PALM2AKAP2: variants seen among roughly 807,000 people sequenced by gnomAD.
PALM2AKAP2 encodes PALM2 and AKAP2 fusion.
PALM2AKAP2 carries 37 observed loss-of-function variants against 71.5 expected under a neutral mutation model. That is an observed-to-expected ratio of 0.52 (90% CI 0.40 to 0.68). PALM2AKAP2 has a LOEUF of 0.68. Among genes scored for constraint, PALM2AKAP2 ranks in the 30% least tolerant of loss-of-function variants. The probability of loss-of-function intolerance (pLI) is 0.00; values close to 1 mark genes in which losing one functional copy is unlikely to be tolerated. For synonymous variants in PALM2AKAP2, 468 were observed against 478.8 expected (o/e 0.98, Z 0.29); for missense variants, 1,224 against 1,191.8 (o/e 1.03, Z -0.40).
intron 7 of PALM2AKAP2, among the ~76,000 whole-genome samples, chr9:110,025,970 C>T (rs1395101586): frequency 6.6e-6 from 1 of 152,148 alleles, no homozygotes; most frequent in African/African-American, 2.4e-5. Context: ...GGAGGGTGCA[C>T]TCAACTCACA....
intron 2 of PALM2AKAP2, among the ~76,000 whole-genome samples, chr9:110,150,695 T>TA (rs1471027306): frequency 6.6e-6 from 1 of 152,220 alleles, no homozygotes; most frequent in Non-Finnish European, 1.5e-5. Context: ...GGAGGCAACA[T>TA]ATAGTGTTCA....
At chr9:110,007,264 G>A (rs1289538426) in intron 6 of PALM2AKAP2, among the ~76,000 whole-genome samples, 1 of 152,126 alleles carries the variant, frequency 6.6e-6, no homozygotes, top group African/African-American at 2.4e-5. Context: ...CTTGGGACTT[G>A]TTATATGAGC....
At chr9:109,754,160 GA>G (rs1205859225) in intron 1 of PALM2AKAP2, among the ~76,000 whole-genome samples, 1 of 152,044 alleles carries the variant, frequency 6.6e-6, no homozygotes, top group Admixed American at 6.6e-5. Context: ...AGATAAAACA[GA>G]AAAAGTACCC....
chr9:110,053,662 G>A (rs868611864), intron 1 of PALM2AKAP2, among the ~76,000 whole-genome samples: 10 of 152,176 alleles, frequency 6.6e-5, no homozygotes, highest in Middle Eastern at 3.2e-3. Flanking sequence ...TGGAGAAGGT[G>A]CCCTGTGGAG....
chr9:109,840,480 C>G (rs935884675), intron 1 of PALM2AKAP2, among the ~76,000 whole-genome samples: 14 of 152,134 alleles, frequency 9.2e-5, no homozygotes, highest in Non-Finnish European at 1.8e-4. Flanking sequence ...GTCTAAAACA[C>G]CAAAAGCAAT....
intron 1 of PALM2AKAP2, among the ~76,000 whole-genome samples, chr9:109,752,400 G>A (rs1226192476): frequency 3.3e-5 from 5 of 152,156 alleles, no homozygotes; most frequent in African/African-American, 1.2e-4. Context: ...GGTCCTGAGA[G>A]TCTGCATTTC....
chr9:110,154,029 G>A (rs1836385434), intron 2 of PALM2AKAP2, among the ~76,000 whole-genome samples: 1 of 152,090 alleles, frequency 6.6e-6, no homozygotes, highest in Admixed American at 6.5e-5. Context: ...CCTGGTAATT[G>A]GTGTCTATTT....
chr9:110,007,627 T>C (rs1832808423), intron 6 of PALM2AKAP2, among the ~76,000 whole-genome samples: 1 of 152,218 alleles, frequency 6.6e-6, no homozygotes, highest in Admixed American at 6.5e-5. Flanking sequence ...TATGCAAACT[T>C]CTGCCTTTTC....
intron 3 of PALM2AKAP2, among the ~76,000 whole-genome samples, chr9:109,899,907 C>A (rs542655691): frequency 1.3e-5 from 2 of 152,328 alleles, no homozygotes; most frequent in East Asian, 3.9e-4. Context: ...CTTACTGTGT[C>A]ATAGTACATT....
At chr9:109,921,992 T>C (rs531567714) in intron 3 of PALM2AKAP2, among the ~76,000 whole-genome samples, 1 of 152,240 alleles carries the variant, frequency 6.6e-6, no homozygotes, top group South Asian at 2.1e-4. Context: ...AGAAAGGCCA[T>C]CTGAGGGGCA....
At chr9:110,050,040 G>T (rs1160274447) in intron 1 of PALM2AKAP2, among the ~76,000 whole-genome samples, 3 of 152,254 alleles carry the variant, frequency 2.0e-5, no homozygotes, top group African/African-American at 7.2e-5. Context: ...GCTCTGATAG[G>T]CTGCGTGGTC....
intron 1 of PALM2AKAP2, among the ~76,000 whole-genome samples, chr9:109,810,050 C>T (rs140611486): frequency 2.6e-4 from 39 of 152,304 alleles, no homozygotes; most frequent in African/African-American, 9.1e-4. Context: ...TAATACACCC[C>T]CGAAGGCCCT....
At chr9:109,893,703 C>G (rs1830138013) in intron 3 of PALM2AKAP2, among the ~76,000 whole-genome samples, 1 of 152,212 alleles carries the variant, frequency 6.6e-6, no homozygotes, top group Non-Finnish European at 1.5e-5. Context: ...CTACCTCAGC[C>G]TCCCAAAGTG....
upstream of PALM2AKAP2, among the ~76,000 whole-genome samples, chr9:110,048,183 C>T (rs1833633801): frequency 6.6e-6 from 1 of 152,176 alleles, no homozygotes; most frequent in South Asian, 2.1e-4. Flanking sequence ...TCGCTCTGAC[C>T]CTGAGGACAG....
In PALM2AKAP2 at chr9:110,137,540, G is replaced by T; in HGVS notation, c.1570G>T (p.Gly524Ter). The change falls in exon 2 of 4, where the codon GGA becomes TGA. Residue 524 changes from glycine to a stop codon, truncating the protein, a stop_gained. Coordinates refer to ENST00000374525, the Ensembl canonical transcript of PALM2AKAP2. LOFTEE classifies it high-confidence loss of function. ...CTTATCTAAACTGTGGGCTGAGGAT[G>T]GAGAATTTACGAGCGCCCGGGCTGT... The T allele has an allele frequency of 6.2e-7, 1 of 1,614,208 alleles. No homozygotes were observed. The highest frequency in any genetic ancestry group is 8.5e-7 in the Non-Finnish European group (1 of 1,180,048).
chr9:109,748,143 CT>C (rs1486925386), intron 1 of PALM2AKAP2, among the ~76,000 whole-genome samples: 6 of 152,156 alleles, frequency 3.9e-5, no homozygotes, highest in Non-Finnish European at 8.8e-5. Flanking sequence ...TGATTAACCA[CT>C]TGGAATGAAG....
chr9:109,700,567 T>G (rs1257702065), intron 1 of PALM2AKAP2, among the ~76,000 whole-genome samples: 16 of 152,232 alleles, frequency 1.1e-4, no homozygotes. Context: ...TAATGATTTC[T>G]TATGTCCTTC....
At chr9:109,694,241 C>T (rs1951511) in intron 1 of PALM2AKAP2, among the ~76,000 whole-genome samples, 146,364 of 152,130 alleles carry the variant, frequency 0.96, 70,447 homozygotes, top group East Asian at 1. Flanking sequence ...TTAAAACTTT[C>T]CCTCTTTGGT....
chr9:109,933,347 C>T (rs1173227975), intron 6 of PALM2AKAP2, among the ~76,000 whole-genome samples: 1 of 152,240 alleles, frequency 6.6e-6, no homozygotes, highest in East Asian at 1.9e-4. Context: ...GACACCCCTT[C>T]CCTCTGGTTA....
Sources: allele counts gnomAD v4.1 joint callset (sites outside exome capture counted in the v4.1 genomes callset), GRCh38; gene constraint gnomAD v4.1.1; transcripts MANE v1.5; gene names NCBI Gene and HGNC (gene_info 2026-07-23, HGNC 2026-07-21).